The following WASF3 variants were observed in gnomAD, a reference collection of about 807,000 sequenced individuals.
WASF3 encodes actin-binding protein WASF3.
In WASF3, 11 loss-of-function variants were observed where a neutral mutation model predicts 46.6. The ratio of observed to expected loss-of-function variants is 0.24; its 90% CI spans 0.15 to 0.39. The LOEUF is 0.39. WASF3 is among the 10% of genes least tolerant of loss of function. The probability of loss-of-function intolerance (pLI) is 1.00; values close to 1 mark genes in which losing one functional copy is unlikely to be tolerated. For missense variants in WASF3, 576 were observed against 669.8 expected, an observed-to-expected ratio of 0.86 and a Z score of 1.55; for synonymous variants, 242 against 259.7, an observed-to-expected ratio of 0.93 and a Z score of 0.65.
chr13:26,682,850 T>C lies in WASF3; in HGVS notation c.1227T>C (p.Gly409=). 1.2e-6 allele frequency: 2 copies of C among 1,610,170 alleles called. No homozygotes were observed. Among genetic ancestry groups the C allele is most frequent in the Non-Finnish European group, 1.7e-6 (2 of 1,179,576 alleles). Residue 409 remains glycine (G), a synonymous_variant, in exon 9 of 10, where the codon GGT becomes GGC. Transcript: ENST00000335327. This position sits in a 1 kb window ranked among gnomAD's most constrained non-coding sequence, Gnocchi z 4.4. ...GPPPPPPGPP[G]PGSSLSSSPM... ...CACCTCCCCCGCCAGGCCCTCCTGG[T>C]CCCGGGTCTTCTCTTTCGTCCTCCC... is the stretch of plus-strand genomic sequence containing the variant.
At chr13:26,549,142 C>A in the WASF3 span, among the ~76,000 whole-genome samples, 2,356 of 152,002 alleles carry the variant, frequency 0.015, 20 homozygotes, top group African/African-American at 0.027. Flanking sequence ...CCACCACGCC[C>A]AGCTAATTTT....
At chr13:26,548,529 C>T in the WASF3 span, among the ~76,000 whole-genome samples, 1 of 152,184 alleles carries the variant, frequency 6.6e-6, no homozygotes, top group Non-Finnish European at 1.5e-5. Context: ...TGACAGAAAT[C>T]TTCACAAAGT....
At chr13:26,551,561 G>T in the WASF3 span, among the ~76,000 whole-genome samples, 1 of 152,264 alleles carries the variant, frequency 6.6e-6, no homozygotes. Context: ...GTCTGGTGGG[G>T]GACAATGAAT....
At chr13:26,559,808 CTTTTTTTTTTT>C (rs770616922) in intron 1 of WASF3, among the ~76,000 whole-genome samples, 4 of 73,434 alleles carry the variant, frequency 5.4e-5, no homozygotes, top group African/African-American at 1.6e-4. Flanking sequence ...TTCTTTCTTT[CTTTTTTTTTTT>C]TTTTTTTTTT....
intron 2 of WASF3, among the ~76,000 whole-genome samples, chr13:26,631,194 A>G (rs1881640281): frequency 6.6e-6 from 1 of 152,072 alleles, no homozygotes; most frequent in African/African-American, 2.4e-5. Flanking sequence ...TTTTGTTTCC[A>G]TTGCTTTTGA....
intron 2 of WASF3, among the ~76,000 whole-genome samples, chr13:26,622,427 G>A (rs571528534): frequency 3.4e-4 from 52 of 152,256 alleles, no homozygotes; most frequent in African/African-American, 1.1e-3. Flanking sequence ...CCCTTACTGC[G>A]GTGGAGAATG....
chr13:26,585,132 AATTTATAGTTGTAAT>A (rs1420726989), intron 1 of WASF3, among the ~76,000 whole-genome samples: 2 of 151,938 alleles, frequency 1.3e-5, no homozygotes, highest in African/African-American at 4.8e-5. Flanking sequence ...GAAGAAAGCC[AATTTATAGTTGTAAT>A]AAATAATATT....
At chr13:26,552,374 G>T in the WASF3 span, among the ~76,000 whole-genome samples, 3 of 152,104 alleles carry the variant, frequency 2.0e-5, no homozygotes. Context: ...TCAATATACT[G>T]CCTTGCTCTG....
At chr13:26,573,348 G>A (rs1300262541) in intron 1 of WASF3, among the ~76,000 whole-genome samples, 1 of 151,932 alleles carries the variant, frequency 6.6e-6, no homozygotes. Flanking sequence ...AACTTAGATT[G>A]TGCTTTATTT....
intron 1 of WASF3, among the ~76,000 whole-genome samples, chr13:26,574,740 T>C (rs1879741592): frequency 1.3e-5 from 2 of 152,226 alleles, no homozygotes; most frequent in Admixed American, 6.5e-5. Flanking sequence ...TGATGTGTTT[T>C]TCTTAATTTA....
chr13:26,633,632 CTA>C (rs1160608028), intron 2 of WASF3, among the ~76,000 whole-genome samples: 2 of 152,182 alleles, frequency 1.3e-5, no homozygotes, highest in African/African-American at 4.8e-5. Context: ...GCATTTAGTG[CTA>C]TAAATTTCCC....
chr13:26,681,596 A>G (rs1046175011), intron 8 of WASF3, among the ~76,000 whole-genome samples: 2 of 152,138 alleles, frequency 1.3e-5, no homozygotes, highest in African/African-American at 4.8e-5. Flanking sequence ...CAAGGCATTG[A>G]TAAAGGGTAT....
chr13:26,621,021 A>G, intron 2 of WASF3, among the ~76,000 whole-genome samples: 1 of 152,096 alleles, frequency 6.6e-6, no homozygotes, highest in East Asian at 1.9e-4. Flanking sequence ...CTTGAGTGAG[A>G]GCTTCACTCT....
Position 26,680,961 on chromosome 13 carries a change from G to A in WASF3, c.717-93G>A, listed in dbSNP as rs1488325340. ...ATTAATGTCTGATTTTTGTGTATTA[G>A]CAATGTTATTATTCAAATACATCCA... On this transcript the variant is annotated intron_variant, in intron 7 of 9. Transcript: ENST00000335327. The A allele has an allele frequency of 3.4e-6, 5 of 1,460,090 alleles. 1 individual carries two copies. The highest frequency in any genetic ancestry group is 2.8e-6 in the Non-Finnish European group (3 of 1,071,886). 90.4% of individuals were successfully genotyped at this position (1,460,090 alleles called of 1,614,324 possible).
intron 1 of WASF3, among the ~76,000 whole-genome samples, chr13:26,566,265 T>A (rs1383381996): frequency 6.6e-6 from 1 of 152,222 alleles, no homozygotes. Context: ...TTATTCAGAT[T>A]TTTATTATTT....
intron 1 of WASF3, among the ~76,000 whole-genome samples, chr13:26,567,707 A>ATAT (rs1203560335): frequency 4.6e-5 from 7 of 150,910 alleles, no homozygotes; most frequent in South Asian, 2.1e-4. Context: ...TTAAAAAAAA[A>ATAT]ATATATATAT....
intron 1 of WASF3, among the ~76,000 whole-genome samples, chr13:26,598,138 T>A (rs9319307): frequency 0.83 from 126,404 of 152,124 alleles, 52,557 homozygotes; most frequent in East Asian, 0.91. Flanking sequence ...TTGTTTCCTG[T>A]CTTTCTAATG....
At chr13:26,581,784 T>G (rs1394563405) in intron 1 of WASF3, among the ~76,000 whole-genome samples, 1 of 152,188 alleles carries the variant, frequency 6.6e-6, no homozygotes, top group Admixed American at 6.5e-5. Context: ...TTTGATATGA[T>G]CAGAATAGAA....
At chr13:26,630,190 AG>A (rs990314749) in intron 2 of WASF3, among the ~76,000 whole-genome samples, 1 of 152,090 alleles carries the variant, frequency 6.6e-6, no homozygotes, top group African/African-American at 2.4e-5. Flanking sequence ...TTAAAGTTCT[AG>A]GGTACATGTG....
Sources: gnomAD v4.1 joint callset for allele counts (sites outside exome capture counted in the v4.1 genomes callset) on GRCh38, gnomAD v4.1.1 for gene constraint, Gnocchi (gnomAD v3.1) non-coding constraint, MANE v1.5 for transcripts, NCBI Gene and HGNC (gene_info 2026-07-23, HGNC 2026-07-21) for gene names.